The following PCDH15 variants were observed in gnomAD, a reference collection of about 807,000 sequenced individuals.
PCDH15 encodes protocadherin related 15.
Under a neutral mutation model 178.5 loss-of-function variants are expected in PCDH15, and 129 were observed. The ratio of observed to expected loss-of-function variants is 0.72; its 90% confidence interval spans 0.63 to 0.84. PCDH15 has a LOEUF of 0.84. Among genes scored for constraint, PCDH15 ranks in the 40% least tolerant of loss-of-function variants. The pLI, the probability that PCDH15 is intolerant of heterozygous loss-of-function variation, is 0.00. For missense variants in PCDH15, 2,230 were observed against 2,099.9 expected, an observed-to-expected ratio of 1.06 and a Z score of -1.21; for synonymous variants, 800 against 732.0, an observed-to-expected ratio of 1.09 and a Z score of -1.50.
chr10:54,395,019 A>G (rs1306320757), intron 3 of PCDH15, among the ~76,000 whole-genome samples: 1 of 152,074 alleles, frequency 6.6e-6, no homozygotes, highest in East Asian at 1.9e-4. Context: ...AGGTGCCCAC[A>G]TTTCATATTG....
chr10:54,042,021 T>C (rs941220916), intron 18 of PCDH15, among the ~76,000 whole-genome samples: 1 of 151,700 alleles, frequency 6.6e-6, no homozygotes, highest in African/African-American at 2.4e-5. Flanking sequence ...AGAAAAAAAA[T>C]GTTTTCTATA....
At chr10:55,068,114 T>G (rs576274242) in intron 2 of PCDH15, among the ~76,000 whole-genome samples, 1 of 152,244 alleles carries the variant, frequency 6.6e-6, no homozygotes, top group Non-Finnish European at 1.5e-5. Context: ...ATTTTTGTTT[T>G]ATTTGCCTGT....
intron 1 of PCDH15, among the ~76,000 whole-genome samples, chr10:55,312,035 T>G (rs995057374): frequency 6.6e-6 from 1 of 152,036 alleles, no homozygotes. Flanking sequence ...TTAAAAGAGG[T>G]TGTAATGTGG....
intron 1 of PCDH15, among the ~76,000 whole-genome samples, chr10:55,292,678 G>A (rs1016422932): frequency 1.2e-4 from 18 of 152,066 alleles, no homozygotes; most frequent in Non-Finnish European, 1.9e-4. Context: ...CACCACACCC[G>A]TCCCAGGCAG....
At chr10:55,244,846 A>C (rs1841644630) in intron 1 of PCDH15, among the ~76,000 whole-genome samples, 1 of 151,618 alleles carries the variant, frequency 6.6e-6, no homozygotes, top group African/African-American at 2.4e-5. Flanking sequence ...AAAAGTCTGA[A>C]GAAAGTTAAA....
chr10:54,405,721 A>G (rs1166821071), intron 3 of PCDH15, among the ~76,000 whole-genome samples: 1 of 151,934 alleles, frequency 6.6e-6, no homozygotes, highest in Non-Finnish European at 1.5e-5. Context: ...TAAAAATTAC[A>G]TGCAATATTT....
chr10:54,137,822 AAACTG>A (rs2043031646), intron 14 of PCDH15, among the ~76,000 whole-genome samples: 1 of 152,176 alleles, frequency 6.6e-6, no homozygotes, highest in African/African-American at 2.4e-5. Context: ...TGCAGAATCT[AAACTG>A]AACCCCTGGT....
intron 2 of PCDH15, among the ~76,000 whole-genome samples, chr10:54,585,829 G>T (rs1014834356): frequency 6.6e-6 from 1 of 152,072 alleles, no homozygotes; most frequent in African/African-American, 2.4e-5. Context: ...ATGTGCTACA[G>T]CTCATTAAAT....
intron 1 of PCDH15, among the ~76,000 whole-genome samples, chr10:55,226,162 C>T (rs1049295237): frequency 2.6e-5 from 4 of 151,968 alleles, no homozygotes; most frequent in African/African-American, 4.8e-5. Flanking sequence ...TATTATCACA[C>T]GCTAAAATAT....
intron 21 of PCDH15, among the ~76,000 whole-genome samples, chr10:53,993,141 G>T (rs1019099068): frequency 1.3e-5 from 2 of 152,206 alleles, no homozygotes; most frequent in Non-Finnish European, 2.9e-5. Flanking sequence ...GCAGAAGCCT[G>T]GTTGAGCATG....
intron 1 of PCDH15, among the ~76,000 whole-genome samples, chr10:55,242,571 G>T (rs1841577277): frequency 6.6e-6 from 1 of 152,104 alleles, no homozygotes; most frequent in Non-Finnish European, 1.5e-5. Flanking sequence ...AGGAACAGTG[G>T]CTCATGTCTA....
At chr10:55,323,317 G>C (rs1386513811), upstream of PCDH15, among the ~76,000 whole-genome samples, 1 of 152,218 alleles carries the variant, frequency 6.6e-6, no homozygotes, top group East Asian at 1.9e-4. Context: ...GTCCCCACTG[G>C]GGCACTGCCT....
At chr10:54,720,531 C>G (rs1941415844) in intron 1 of PCDH15, among the ~76,000 whole-genome samples, 1 of 137,616 alleles carries the variant, frequency 7.3e-6, no homozygotes, top group South Asian at 2.2e-4. Flanking sequence ...AAAAAAATAC[C>G]AGCTAACAAT....
chr10:54,100,392 A>C (rs2094788530), intron 15 of PCDH15, among the ~76,000 whole-genome samples: 1 of 152,150 alleles, frequency 6.6e-6, no homozygotes, highest in Non-Finnish European at 1.5e-5. Context: ...TTGCTCAATA[A>C]ATTAATTTAA....
intron 1 of PCDH15, among the ~76,000 whole-genome samples, chr10:55,249,031 T>C (rs1346273953): frequency 6.6e-6 from 1 of 152,150 alleles, no homozygotes; most frequent in Non-Finnish European, 1.5e-5. Context: ...TCATACCTTG[T>C]GATAAAAAAG....
At position 55,449,423 on chromosome 10, in the gene PCDH15, A is replaced by G. The variant is rs565999595; in HGVS notation, c.-156+178202T>C. Among the ~76,000 whole-genome samples the G allele has an allele frequency of 9.2e-5, 14 of 152,226 alleles. No individual in the cohort carries two copies. The South Asian group carries it at 2.3e-3, about 25-fold the overall frequency. On this transcript the variant is annotated intron_variant, in intron 2 of 5. Transcript: ENST00000613346. The stretch of plus-strand genomic sequence containing the variant: ...CTCATGACAACAGGCAATAAAATAC[A>G]AAGAGTACACCTACAATGCAGTGTC...
chr10:54,842,238 CAG>C (rs1470914941), intron 3 of PCDH15, among the ~76,000 whole-genome samples: 2 of 150,920 alleles, frequency 1.3e-5, no homozygotes, highest in African/African-American at 4.9e-5. Flanking sequence ...ATAAATGAGA[CAG>C]ATTTAATTGG....
chr10:54,247,958 AT>A (rs879603454), intron 8 of PCDH15, among the ~76,000 whole-genome samples: 2,038 of 143,074 alleles, frequency 0.014, 25 homozygotes, highest in African/African-American at 0.036. Flanking sequence ...ATATATATAT[AT>A]ACACATACAG....
intron 2 of PCDH15, among the ~76,000 whole-genome samples, chr10:54,597,052 T>C (rs1030991451): frequency 6.6e-6 from 1 of 151,972 alleles, no homozygotes; most frequent in African/African-American, 2.4e-5. Context: ...AGCAGAAAAT[T>C]AACAAAAATA....
Sources: gnomAD v4.1 joint callset for allele counts (sites outside exome capture counted in the v4.1 genomes callset) on GRCh38, gnomAD v4.1.1 for gene constraint, MANE v1.5 for transcripts, NCBI Gene and HGNC (gene_info 2026-07-23, HGNC 2026-07-21) for gene names.